Variants in DLC1 observed in about 807,000 individuals in gnomAD.
The protein encoded by DLC1 is DLC1 Rho GTPase activating protein.
Under a neutral mutation model 140.3 loss-of-function variants are expected in DLC1, and 54 were observed. That is an observed-to-expected ratio of 0.38 (90% CI 0.31 to 0.48). DLC1 has a LOEUF of 0.48. Ranked by LOEUF, DLC1 falls within the 20% of genes least tolerant of loss-of-function variation. DLC1 has a pLI of 0.96. For synonymous variants in DLC1, 986 were observed against 728.1 expected, an observed-to-expected ratio of 1.35 and a Z score of -5.70; for missense variants, 2,536 against 1,907.0, an observed-to-expected ratio of 1.33 and a Z score of -6.14.
intron 2 of DLC1, among the ~76,000 whole-genome samples, chr8:13,420,751 CT>C (rs1213342253): frequency 1.3e-5 from 2 of 152,150 alleles, no homozygotes; most frequent in African/African-American, 4.8e-5. Flanking sequence ...TTTTTTATGA[CT>C]GCATAGTATT....
At chr8:13,259,571 ATT>A (rs2117324325) in intron 5 of DLC1, among the ~76,000 whole-genome samples, 1 of 152,254 alleles carries the variant, frequency 6.6e-6, no homozygotes, top group African/African-American at 2.4e-5. Flanking sequence ...AGTCTTTTAT[ATT>A]TTCACAGCTT....
intron 1 of DLC1, among the ~76,000 whole-genome samples, chr8:13,575,165 G>A (rs567203354): frequency 1.3e-5 from 2 of 152,226 alleles, no homozygotes; most frequent in African/African-American, 4.8e-5. Flanking sequence ...ACATCAAAGT[G>A]TCTTATGCAA....
At chr8:13,388,631 C>T (rs1051824473) in intron 4 of DLC1, among the ~76,000 whole-genome samples, 8 of 151,880 alleles carry the variant, frequency 5.3e-5, no homozygotes, top group Non-Finnish European at 1.0e-4. Flanking sequence ...CAAAATAACA[C>T]TTCAGAAAAT....
At chr8:13,431,482 CAAA>C (rs56057254) in intron 2 of DLC1, among the ~76,000 whole-genome samples, 15 of 40,598 alleles carry the variant, frequency 3.7e-4, no homozygotes, top group South Asian at 3.0e-3. Flanking sequence ...GACTCCGTCT[CAAA>C]AAAAAAAAAA....
At chr8:13,087,150 C>T (rs771288776) in intron 16 of DLC1, among the ~76,000 whole-genome samples, 6 of 152,304 alleles carry the variant, frequency 3.9e-5, no homozygotes, top group South Asian at 2.1e-4. Flanking sequence ...CCTGTAATCC[C>T]GGCGCTTTGG....
At chr8:13,305,080 A>G (rs1422459872) in intron 5 of DLC1, 189 bp downstream of exon 5, 5 of 1,271,310 alleles carry the variant, frequency 3.9e-6, no homozygotes, top group Non-Finnish European at 5.0e-6. Context: ...CAATGTCATT[A>G]TGTCAGAAAA....
intron 2 of DLC1, among the ~76,000 whole-genome samples, chr8:13,472,285 GT>G (rs760643268): frequency 6.6e-6 from 1 of 152,088 alleles, no homozygotes; most frequent in Non-Finnish European, 1.5e-5. Flanking sequence ...TTAAATGCGT[GT>G]ATACACACAT....
intron 2 of DLC1, among the ~76,000 whole-genome samples, chr8:13,442,454 A>G (rs973991990): frequency 9.9e-5 from 15 of 151,740 alleles, no homozygotes; most frequent in African/African-American, 3.4e-4. Context: ...CAATCTACTC[A>G]TCTGAAAAAG....
intron 5 of DLC1, among the ~76,000 whole-genome samples, chr8:13,300,049 T>C (rs1241295519): frequency 6.6e-6 from 1 of 152,156 alleles, no homozygotes; most frequent in Non-Finnish European, 1.5e-5. Context: ...CCATCAGTGA[T>C]AGGCTGGATA....
intron 4 of DLC1, among the ~76,000 whole-genome samples, chr8:13,375,080 T>G (rs1017207893): frequency 6.8e-6 from 1 of 147,674 alleles, no homozygotes; most frequent in Admixed American, 6.9e-5. Flanking sequence ...CAGGCTGGAG[T>G]GCAGTGGCAC....
At chr8:13,539,762 G>GTGTA (rs1446097349) in intron 1 of DLC1, among the ~76,000 whole-genome samples, 1 of 151,910 alleles carries the variant, frequency 6.6e-6, no homozygotes, top group South Asian at 2.1e-4. Flanking sequence ...GTGTGTGTGT[G>GTGTA]TGTGTGTGTG....
intron 1 of DLC1, among the ~76,000 whole-genome samples, chr8:13,549,030 C>A (rs1466079523): frequency 6.6e-6 from 1 of 151,824 alleles, no homozygotes; most frequent in Admixed American, 6.6e-5. Context: ...AACATTTTTC[C>A]TTCCATTACA....
chr8:13,144,626 G>A (rs1171896492), intron 5 of DLC1, among the ~76,000 whole-genome samples: 5 of 152,120 alleles, frequency 3.3e-5, no homozygotes, highest in South Asian at 2.1e-4. Flanking sequence ...TTAGCCAGGC[G>A]TGGTGGTGGG....
chr8:13,135,589 C>T (rs771244255), intron 5 of DLC1, among the ~76,000 whole-genome samples: 1 of 152,070 alleles, frequency 6.6e-6, no homozygotes, highest in Non-Finnish European at 1.5e-5. Context: ...AGTGCACCTT[C>T]GAAACATACT....
rs1563397885 is a variant in DLC1 at position 13,496,809 on chromosome 8, TTTTTTTTTTG to T, written c.1023+2230_1023+2239del. Reference sequence around the variant, plus strand: ...TCCTTTTTTTTTTTTTTTTTTTTTTTTTTTTTTTTGAGATGGAGTTTCGCTGTGTCACCCA... The same window carrying T: ...TCCTTTTTTTTTTTTTTTTTTTTTTTAGATGGAGTTTCGCTGTGTCACCCA... On this transcript the variant is annotated intron_variant, in intron 2 of 17. Transcript: ENST00000276297. 2.1e-3 allele frequency among the ~76,000 whole-genome samples: 247 copies of T among 116,728 alleles called. 55 individuals are homozygous for T. The highest frequency in any genetic ancestry group is 3.5e-3 in the South Asian group (12 of 3,386). The allele number at this position is 116,728 out of a possible 152,430, so 76.6% of individuals were successfully genotyped here. A position where few individuals can be genotyped will look rare whatever the true frequency, so the allele number is the denominator to read the frequency against.
intron 5 of DLC1, among the ~76,000 whole-genome samples, chr8:13,197,086 T>C (rs1432086940): frequency 2.0e-5 from 3 of 152,232 alleles, no homozygotes; most frequent in African/African-American, 7.2e-5. Flanking sequence ...GTCTATTTCA[T>C]ACGTTTTGTT....
chr8:13,450,451 T>TA (rs1798987153), intron 2 of DLC1, among the ~76,000 whole-genome samples: 2 of 23,444 alleles, frequency 8.5e-5, no homozygotes, highest in Non-Finnish European at 7.9e-5. Flanking sequence ...TGAGACTGTC[T>TA]CAAAAAAAAA....
chr8:13,546,378 G>A (rs947837057), intron 1 of DLC1, among the ~76,000 whole-genome samples: 1 of 152,026 alleles, frequency 6.6e-6, no homozygotes, highest in African/African-American at 2.4e-5. Flanking sequence ...ATTTTAATAT[G>A]ATGAAATATT....
In DLC1 at chr8:13,570,986, C is replaced by T. The variant is rs1188724842; in HGVS notation, c.-126+33551G>A. Reference sequence around the variant, plus strand: ...TGAGAGCACAGGAGGAGAGAACTCACGGAATCAGGGAGTGGACATTTACCC... The same window carrying T: ...TGAGAGCACAGGAGGAGAGAACTCATGGAATCAGGGAGTGGACATTTACCC... On this transcript the variant is annotated intron_variant, in intron 1 of 1. Coordinates refer to the DLC1 transcript ENST00000631382. Among the ~76,000 whole-genome samples the T allele has an allele frequency of 7.9e-5, 12 of 152,180 alleles. No homozygotes were observed. In the South Asian group the frequency reaches 8.3e-4, roughly 11 times the overall value.
Sources: gnomAD v4.1 joint callset for allele counts (sites outside exome capture counted in the v4.1 genomes callset) on GRCh38, gnomAD v4.1.1 for gene constraint, MANE v1.5 for transcripts, NCBI Gene and HGNC (gene_info 2026-07-23, HGNC 2026-07-21) for gene names.